Variants in SREBF1 observed in about 807,000 individuals in gnomAD.
SREBF1 encodes the protein sterol regulatory element binding transcription factor 1.
In SREBF1, 45 loss-of-function variants were observed where a neutral mutation model predicts 100.1. That is an observed-to-expected ratio of 0.45 (90% CI 0.35 to 0.58). The LOEUF is 0.58. Ranked by LOEUF, SREBF1 falls within the 20% of genes least tolerant of loss-of-function variation. SREBF1 has a pLI of 0.00. For synonymous variants in SREBF1, 657 were observed against 681.8 expected, an observed-to-expected ratio of 0.96 and a Z score of 0.57; for missense variants, 1,324 against 1,539.4, an observed-to-expected ratio of 0.86 and a Z score of 2.34.
At chr17:17,816,399 G>A (rs2033590487) in intron 10 of SREBF1, 26 bp from the exon 11 acceptor site, 3 of 1,597,192 alleles carry the variant, frequency 1.9e-6, no homozygotes, top group Non-Finnish European at 2.6e-6. Context: ...GCATGAGGCT[G>A]TGGGTGGAGC....
chr17:17,833,468 TATATATAC>T (rs1179478305), intron 1 of SREBF1, among the ~76,000 whole-genome samples: 1,936 of 82,912 alleles, frequency 0.023, 30 homozygotes, highest in Middle Eastern at 0.05. Context: ...TATATATATA[TATATATAC>T]ACACACACAT....
At chr17:17,816,799 C>G (rs2033639195) in intron 9 of SREBF1, 81 bp from the exon 10 acceptor site, 2 of 1,573,046 alleles carry the variant, frequency 1.3e-6, no homozygotes, top group African/African-American at 2.7e-5. Context: ...CCACAGCAGG[C>G]TCTGGAGGGG....
Position 17,814,623 on chromosome 17 carries a change from C to G in SREBF1, c.2727G>C (p.Gln909His). The G allele has an allele frequency of 6.5e-7, 1 of 1,542,740 alleles. No homozygotes were observed. The highest frequency in any genetic ancestry group is 8.7e-7 in the Non-Finnish European group (1 of 1,148,728). The change falls in exon 15 of 19, where the codon CAG becomes CAC. Residue 909 changes from glutamine to histidine, a missense_variant. Transcript: ENST00000261646. ...PLVEHLPRVL[Q>H]ESERPLPRAA... ...ACCTGCCGTGCACTCACTCAGACTC[C>G]TGCAGCACCCGGGGCAGGTGCTCCA...
chr17:17,811,570 G>T lies in SREBF1; in HGVS notation c.*1052C>A. 7 of 354,744 alleles carry T rather than the reference G, an allele frequency of 2.0e-5. No individual in the cohort carries two copies. Among genetic ancestry groups the T allele is most frequent in the South Asian group, 1.4e-4 (7 of 49,066 alleles). The allele number at this position is 354,744 out of a possible 1,614,324, so 22.0% of individuals were successfully genotyped here. On this transcript the variant is annotated 3_prime_UTR_variant, in exon 19 of 19. Transcript: ENST00000261646. ...GGGCATGAATGGAGTCAGGGAGTCG[G>T]CCTTTCACAGAACAGGAAACCTCCC...
intron 1 of SREBF1, 45 bp downstream of exon 1, chr17:17,836,682 T>G: frequency 6.5e-7 from 1 of 1,528,768 alleles, no homozygotes; most frequent in South Asian, 1.2e-5. Context: ...CGCCCCCTAC[T>G]CGCGCCACCC....
rs750706961 is a variant in SREBF1 at position 17,819,309 on chromosome 17, A to AC, written c.846+10dup. 1 of 1,613,692 alleles carries AC rather than the reference A, an allele frequency of 6.2e-7. No individual in the cohort carries two copies. The highest frequency in any genetic ancestry group is 1.3e-5 in the African/African-American group (1 of 75,034). On this transcript the variant is annotated intron_variant, in intron 4 of 18. Coordinates refer to ENST00000261646, the MANE Select transcript of SREBF1 (RefSeq NM_004176.5). ...GACCCCACTCCCTTATGCCCTGCCCACGTCACCCACCGGCAAAGGCCCTGT... is the reference window on the plus strand; with the variant it reads ...GACCCCACTCCCTTATGCCCTGCCCACCGTCACCCACCGGCAAAGGCCCTGT...
Position 17,814,596 on chromosome 17 carries a change from G to T in SREBF1, c.2735+19C>A. 6.5e-7 allele frequency: 1 copy of T among 1,538,326 alleles called. No individual in the cohort carries two copies. The highest frequency in any genetic ancestry group is 8.7e-7 in the Non-Finnish European group (1 of 1,147,042). ...GGCTGAGCCCGGGACCAGGCAGGAG[G>T]AACCTGCCGTGCACTCACTCAGACT... is the stretch of plus-strand genomic sequence containing the variant. On this transcript the variant is annotated intron_variant, in intron 15 of 18. Coordinates refer to ENST00000261646, the MANE Select transcript of SREBF1 (RefSeq NM_004176.5).
chr17:17,836,678 C>G (rs1485410666), intron 1 of SREBF1, 49 bp downstream of exon 1: 5 of 1,523,450 alleles, frequency 3.3e-6, no homozygotes, highest in South Asian at 2.4e-5. Flanking sequence ...TGCGCGCCCC[C>G]TACTCGCGCC....
chr17:17,829,205 A>AATATATATATATATAT (rs71155305), intron 1 of SREBF1, among the ~76,000 whole-genome samples: 12 of 65,816 alleles, frequency 1.8e-4, no homozygotes, highest in African/African-American at 1.1e-3. Flanking sequence ...AAAAAAAAAA[A>AATATATATATATATAT]ATATATATAT....
chr17:17,834,879 T>C (rs2035135241), intron 1 of SREBF1, among the ~76,000 whole-genome samples: 2 of 152,152 alleles, frequency 1.3e-5, no homozygotes, highest in South Asian at 4.1e-4. Context: ...CCAGGCGTGG[T>C]GGCTGGCGCC....
chr17:17,815,037 G>GCTGTA, intron 13 of SREBF1, 93 bp from the exon 14 acceptor site: 1 of 1,328,630 alleles, frequency 7.5e-7, no homozygotes, highest in Non-Finnish European at 1.1e-6. Context: ...CTGGCCCCTG[G>GCTGTA]CTCTGCAAAG....
Position 17,812,834 on chromosome 17 carries a change from C to G in SREBF1, c.3232G>C (p.Glu1078Gln). The change falls in exon 19 of 19, where the codon GAG becomes CAG. Residue 1078 changes from glutamate to glutamine, a missense_variant. Coordinates refer to ENST00000261646, the MANE Select transcript of SREBF1 (RefSeq NM_004176.5). Reference sequence around the variant, plus strand: ...TGCTCCCGCCGCGTGGGCCGCGGCTCCAGCTCCGCCACCGCGCCTGCGCAC... The same window carrying G: ...TGCTCCCGCCGCGTGGGCCGCGGCTGCAGCTCCGCCACCGCGCCTGCGCAC... ...GGKGGAVAEL[E>Q]PRPTRREHAE... 6.8e-7 allele frequency: 1 copy of G among 1,472,636 alleles called. No homozygotes were observed. The highest frequency in any genetic ancestry group is 8.9e-7 in the Non-Finnish European group (1 of 1,119,568). 91.2% of individuals were successfully genotyped at this position (1,472,636 alleles called of 1,614,324 possible).
chr17:17,832,320 G>C (rs1208294814), intron 1 of SREBF1, among the ~76,000 whole-genome samples: 1 of 152,170 alleles, frequency 6.6e-6, no homozygotes, highest in South Asian at 2.1e-4. Context: ...AGTGTTTTCT[G>C]TTCACATTAC....
chr17:17,829,205 A>AAAAAAAAAAAAAAAAAATAT (rs1210718799), intron 1 of SREBF1, among the ~76,000 whole-genome samples: 1 of 65,874 alleles, frequency 1.5e-5, no homozygotes, highest in African/African-American at 8.8e-5. Context: ...AAAAAAAAAA[A>AAAAAAAAAAAAAAAAAATAT]ATATATATAT....
rs944211539 is a variant in SREBF1 at position 17,824,267 on chromosome 17, A to G, written c.92-3746T>C. ...CCAGGAAGGGGCCACCCCTCACCAC[A>G]GCGGGGCTGATGGTCTGGGATGAGG... On this transcript the variant is annotated intron_variant, in intron 1 of 18. Transcript: ENST00000261646. This position sits in a 1 kb window ranked among gnomAD's most constrained non-coding sequence, Gnocchi z 4.2. Among the ~76,000 whole-genome samples the G allele has an allele frequency of 1.4e-4, 22 of 152,320 alleles. No individual in the cohort carries two copies. The highest frequency in any genetic ancestry group is 5.0e-4 in the African/African-American group (21 of 41,594).
At chr17:17,816,122 C>T (rs1304567716) in intron 11 of SREBF1, 85 bp downstream of exon 11, 27 of 1,506,598 alleles carry the variant, frequency 1.8e-5, no homozygotes, top group Non-Finnish European at 2.2e-5. Flanking sequence ...CCCTGGTAAC[C>T]ACTGCCACAT....
chr17:17,820,942 T>G lies in SREBF1; in HGVS notation c.92-421A>C, dbSNP rs115746214. On this transcript the variant is annotated intron_variant, in intron 1 of 18. Coordinates refer to ENST00000261646, the MANE Select transcript of SREBF1 (RefSeq NM_004176.5). ...AAACAGCAGGCTCACATTCATTCACTCATCCAGTGAGCATGTGCTGAGTGC... is the reference window on the plus strand; with the variant it reads ...AAACAGCAGGCTCACATTCATTCACGCATCCAGTGAGCATGTGCTGAGTGC... 1,431 of 278,400 alleles carry G rather than the reference T, an allele frequency of 5.1e-3. 26 individuals are homozygous for G. The highest frequency in any genetic ancestry group is 0.029 in the African/African-American group (1,317 of 45,724). The allele number at this position is 278,400 out of a possible 1,614,324, so 17.2% of individuals were successfully genotyped here.
chr17:17,824,015 T>G lies in SREBF1; in HGVS notation c.92-3494A>C, dbSNP rs777079469. ...GTCCTGGCCCAACACACCAGAACTC[T>G]GTGTTCGAAATCACTGGTTCGCTGG... On this transcript the variant is annotated intron_variant, in intron 1 of 18. Coordinates refer to ENST00000261646, the MANE Select transcript of SREBF1 (RefSeq NM_004176.5). This position sits in a 1 kb window ranked among gnomAD's most constrained non-coding sequence, Gnocchi z 4.2. 3.3e-5 allele frequency among the ~76,000 whole-genome samples: 5 copies of G among 152,168 alleles called. No individual in the cohort carries two copies. The highest frequency in any genetic ancestry group is 7.4e-5 in the Non-Finnish European group (5 of 68,020).
rs1567989702 is a variant in SREBF1 at position 17,829,208 on chromosome 17, AT to A, written c.91+7518del. On this transcript the variant is annotated intron_variant, in intron 1 of 18. Transcript: ENST00000261646. Reference sequence around the variant, plus strand: ...CTCCATCTTAAAAAAAAAAAAAAATATATATATATATATATATATATATATA... The same window carrying A: ...CTCCATCTTAAAAAAAAAAAAAAATAATATATATATATATATATATATATA... 6.3e-3 allele frequency among the ~76,000 whole-genome samples: 600 copies of A among 95,328 alleles called. 8 individuals carry two copies. The highest frequency in any genetic ancestry group is 0.029 in the East Asian group (79 of 2,700). 62.5% of individuals were successfully genotyped at this position (95,328 alleles called of 152,430 possible).
Sources: allele counts gnomAD v4.1 joint callset (sites outside exome capture counted in the v4.1 genomes callset), GRCh38; gene constraint gnomAD v4.1.1; non-coding constraint Gnocchi (gnomAD v3.1); transcripts MANE v1.5; gene names NCBI Gene and HGNC (gene_info 2026-07-23, HGNC 2026-07-21).